Variants in RHOBTB3 observed in about 807,000 individuals in gnomAD.
The protein encoded by RHOBTB3 is rho-related BTB domain-containing protein 3.
Under a neutral mutation model 67.2 loss-of-function variants are expected in RHOBTB3, and 47 were observed. That is an observed-to-expected ratio of 0.70 (90% CI 0.55 to 0.89). RHOBTB3 has a LOEUF of 0.89. Among genes scored for constraint, RHOBTB3 ranks in the 40% least tolerant of loss-of-function variants. The probability of loss-of-function intolerance (pLI) is 0.00; values close to 1 mark genes in which losing one functional copy is unlikely to be tolerated. For synonymous variants in RHOBTB3, 273 were observed against 274.2 expected (o/e 1.00, Z 0.04); for missense variants, 631 against 750.0 (o/e 0.84, Z 1.85).
chr5:95,754,267 A>G (rs944191942), intron 5 of RHOBTB3, among the ~76,000 whole-genome samples: 1 of 152,172 alleles, frequency 6.6e-6, no homozygotes, highest in African/African-American at 2.4e-5. Context: ...ATAACACTAA[A>G]GATATTCCAG....
intron 5 of RHOBTB3, 117 bp from the exon 6 acceptor site, chr5:95,755,279 T>C (rs1041054224): frequency 2.6e-6 from 2 of 757,502 alleles, no homozygotes; most frequent in East Asian, 3.6e-5. Flanking sequence ...CTGTTTCTTA[T>C]GCTTTAACCT....
intron 8 of RHOBTB3, chr5:95,770,696 G>A: frequency 2.1e-6 from 1 of 473,640 alleles, no homozygotes; most frequent in Non-Finnish European, 4.3e-6. Flanking sequence ...ATGGGAGGTG[G>A]CATTTCTGAT....
intron 1 of RHOBTB3, among the ~76,000 whole-genome samples, chr5:95,718,318 T>C (rs566834482): frequency 2.0e-5 from 3 of 152,282 alleles, no homozygotes; most frequent in African/African-American, 7.2e-5. Flanking sequence ...GTACAGTCCC[T>C]GCAAGTTAAA....
In RHOBTB3 at chr5:95,731,403, T is replaced by G; in HGVS notation, c.-280T>G. 1 of 1,183,102 alleles carries G rather than the reference T, an allele frequency of 8.5e-7. No individual in the cohort carries two copies. Among genetic ancestry groups the G allele is most frequent in the Non-Finnish European group, 1.0e-6 (1 of 959,800 alleles). The allele number at this position is 1,183,102 out of a possible 1,614,324, so 73.3% of individuals were successfully genotyped here. Reference sequence around the variant, plus strand: ...GGGGACTGCGGTCAGCTGCGTCCACTTGGGGCTGTGCGGCGGTCCCGCGCC... The same window carrying G: ...GGGGACTGCGGTCAGCTGCGTCCACGTGGGGCTGTGCGGCGGTCCCGCGCC... On this transcript the variant is annotated 5_prime_UTR_variant, in exon 1 of 12. Transcript: ENST00000379982.
chr5:95,786,394 T>C (rs935176879), intron 10 of RHOBTB3, among the ~76,000 whole-genome samples: 1 of 152,214 alleles, frequency 6.6e-6, no homozygotes, highest in African/African-American at 2.4e-5. Context: ...CATACTTTCT[T>C]AGATAGATGA....
chr5:95,778,910 C>T (rs1745970077), intron 8 of RHOBTB3, among the ~76,000 whole-genome samples: 1 of 152,222 alleles, frequency 6.6e-6, no homozygotes, highest in Non-Finnish European at 1.5e-5. Context: ...TCCCAAGTTA[C>T]TTCCCTGCTC....
chr5:95,720,872 C>T (rs1484877862), intron 1 of RHOBTB3, among the ~76,000 whole-genome samples: 1 of 152,132 alleles, frequency 6.6e-6, no homozygotes, highest in African/African-American at 2.4e-5. Flanking sequence ...AAGAACTGTG[C>T]ACTAACTTGT....
chr5:95,731,771 C>T, intron 1 of RHOBTB3, 87 bp downstream of exon 1: 7 of 1,604,094 alleles, frequency 4.4e-6, no homozygotes, highest in Non-Finnish European at 4.3e-6. Flanking sequence ...ATCCTCGCCG[C>T]GCGCTGTCCC....
At chr5:95,762,636 T>C (rs75848314) in intron 6 of RHOBTB3, among the ~76,000 whole-genome samples, 2,932 of 152,278 alleles carry the variant, frequency 0.019, 81 homozygotes, top group African/African-American at 0.063. Context: ...GATAGGACCT[T>C]CTATAAATCA....
intron 1 of RHOBTB3, among the ~76,000 whole-genome samples, chr5:95,718,882 C>T (rs1025125229): frequency 2.0e-5 from 3 of 152,098 alleles, no homozygotes; most frequent in Admixed American, 6.6e-5. Context: ...CAGGAGAGCA[C>T]AAGCAGGGAA....
chr5:95,731,230 AC>A (rs973618377), upstream of RHOBTB3: 3 of 1,002,156 alleles, frequency 3.0e-6, no homozygotes, highest in Non-Finnish European at 2.4e-6. Context: ...CATCCGCCCG[AC>A]CCCCGGGGCT....
intron 8 of RHOBTB3, among the ~76,000 whole-genome samples, chr5:95,777,898 C>T (rs1011661475): frequency 2.6e-5 from 4 of 152,120 alleles, no homozygotes; most frequent in African/African-American, 7.2e-5. Flanking sequence ...GGGAGCATCA[C>T]GTGAAGCCAG....
intron 3 of RHOBTB3, among the ~76,000 whole-genome samples, chr5:95,743,294 C>G (rs980329637): frequency 6.6e-6 from 1 of 152,098 alleles, no homozygotes; most frequent in Non-Finnish European, 1.5e-5. Context: ...TGATGCCTTC[C>G]TCTTTCTCTG....
chr5:95,772,525 G>A (rs557982604), intron 8 of RHOBTB3, among the ~76,000 whole-genome samples: 3 of 151,772 alleles, frequency 2.0e-5, no homozygotes, highest in South Asian at 2.1e-4. Context: ...TTGGAGTTTC[G>A]GATGTTCCCA....
chr5:95,732,037 A>C lies in RHOBTB3; in HGVS notation c.181A>C (p.Ser61Arg), dbSNP rs1295973784. 6.2e-7 allele frequency: 1 copy of C among 1,614,038 alleles called. No individual in the cohort carries two copies. The highest frequency in any genetic ancestry group is 2.2e-5 in the East Asian group (1 of 44,886). ...ARPVFTEYQA[S>R]AFGNVKLVVH... Reference sequence around the variant, plus strand: ...TCCGGTGTTCACCGAGTATCAGGCCAGTGCGTTTGGGAATGTCAAGCTGGT... The same window carrying C: ...TCCGGTGTTCACCGAGTATCAGGCCCGTGCGTTTGGGAATGTCAAGCTGGT... Residue 61 changes from serine to arginine, a missense_variant, in exon 2 of 12, where the codon AGT (serine) becomes CGT (arginine). Coordinates refer to ENST00000379982, the MANE Select transcript of RHOBTB3 (RefSeq NM_014899.4).
rs141752089 is a variant in RHOBTB3, at chr5:95,748,377, A to C, written c.460A>C (p.Ser154Arg). Residue 154 changes from serine (S) to arginine (R), a missense_variant, in exon 4 of 12, where the codon AGC becomes CGC. Transcript: ENST00000379982. ...CCCACTATGTACCTCAGACAGAGGG[A>C]GCTGTGTTAGTACAACTGAAGGGAT... ...TCPLCTSDRG[S>R]CVSTTEGIQL... The C allele has an allele frequency of 6.2e-4, 1,002 of 1,613,106 alleles. No individual in the cohort carries two copies. Among genetic ancestry groups the C allele is most frequent in the Admixed American group, 1.0e-3 (62 of 59,994 alleles).
intron 1 of RHOBTB3, among the ~76,000 whole-genome samples, chr5:95,723,728 C>T (rs1269852480): frequency 6.6e-6 from 1 of 152,146 alleles, no homozygotes; most frequent in Admixed American, 6.5e-5. Flanking sequence ...CCTTTACTTC[C>T]TGTCTCGCAG....
intron 6 of RHOBTB3, among the ~76,000 whole-genome samples, chr5:95,759,027 C>T (rs959958084): frequency 1.1e-4 from 17 of 152,208 alleles, no homozygotes; most frequent in African/African-American, 3.6e-4. Context: ...CTGGGGCTCT[C>T]AGTGCCCTGT....
intron 2 of RHOBTB3, 177 bp downstream of exon 2, chr5:95,732,261 T>A: frequency 1.5e-6 from 1 of 651,440 alleles, no homozygotes; most frequent in South Asian, 1.8e-5. Flanking sequence ...GGAACAGCCC[T>A]GTCAGAGAAC....
Sources: allele counts gnomAD v4.1 joint callset (sites outside exome capture counted in the v4.1 genomes callset), GRCh38; gene constraint gnomAD v4.1.1; transcripts MANE v1.5; gene names NCBI Gene and HGNC (gene_info 2026-07-23, HGNC 2026-07-21).